NRG3: variants seen among roughly 807,000 people sequenced by gnomAD.
NRG3 encodes the protein pro-neuregulin-3, membrane-bound isoform.
In NRG3, 31 loss-of-function variants were observed where a neutral mutation model predicts 66.9. The observed-to-expected ratio is 0.46, with a 90% CI of 0.35 to 0.63. The LOEUF (loss-of-function observed/expected upper bound fraction) is 0.63, where lower values mean the gene tolerates loss of function less well. NRG3 is among the 20% of genes least tolerant of loss of function. The pLI is 0.00. For missense variants in NRG3, 910 were observed against 878.9 expected (o/e 1.04, Z -0.45); for synonymous variants, 393 against 359.4 (o/e 1.09, Z -1.06).
At chr10:82,347,698 G>A (rs994784396) in intron 1 of NRG3, among the ~76,000 whole-genome samples, 372 of 152,280 alleles carry the variant, frequency 2.4e-3, no homozygotes, top group African/African-American at 8.4e-3. Context: ...TTGTGTGGGA[G>A]TCTAAGTCTC....
intron 2 of NRG3, among the ~76,000 whole-genome samples, chr10:82,682,714 T>A (rs1040670845): frequency 6.6e-6 from 1 of 152,198 alleles, no homozygotes; most frequent in African/African-American, 2.4e-5. Flanking sequence ...TATTCACCAG[T>A]CCTTTGATGG....
At chr10:82,394,055 T>A (rs1052074175) in intron 2 of NRG3, among the ~76,000 whole-genome samples, 2 of 152,214 alleles carry the variant, frequency 1.3e-5, no homozygotes, top group Non-Finnish European at 2.9e-5. Flanking sequence ...CTATTTAGTA[T>A]GCTTTGTCTC....
intron 3 of NRG3, among the ~76,000 whole-genome samples, chr10:82,824,573 T>C (rs1403122124): frequency 6.6e-6 from 1 of 152,216 alleles, no homozygotes; most frequent in African/African-American, 2.4e-5. Context: ...GTAGTGTGTG[T>C]GCCGTGGTAT....
chr10:82,440,751 A>C (rs1489727925), intron 2 of NRG3, among the ~76,000 whole-genome samples: 1 of 152,160 alleles, frequency 6.6e-6, no homozygotes, highest in Non-Finnish European at 1.5e-5. Flanking sequence ...TGGATTCATA[A>C]AAATCATCTG....
chr10:82,348,805 C>T (rs1033283709), intron 1 of NRG3, among the ~76,000 whole-genome samples: 2 of 151,664 alleles, frequency 1.3e-5, no homozygotes, highest in African/African-American at 4.9e-5. Flanking sequence ...CATCTCACTT[C>T]ATTTCATTCA....
chr10:82,223,458 A>G (rs1040980444), intron 1 of NRG3, among the ~76,000 whole-genome samples: 1 of 152,082 alleles, frequency 6.6e-6, no homozygotes, highest in Non-Finnish European at 1.5e-5. Flanking sequence ...GTGGGTATTT[A>G]CTAACTCACT....
intron 2 of NRG3, among the ~76,000 whole-genome samples, chr10:82,525,935 G>A (rs1846650782): frequency 6.6e-6 from 1 of 151,888 alleles, no homozygotes; most frequent in Non-Finnish European, 1.5e-5. Flanking sequence ...CTAAATGGAT[G>A]AATTAAATGG....
chr10:82,766,578 T>A lies in NRG3; in HGVS notation c.1027+27928T>A, dbSNP rs553137788. Among the ~76,000 whole-genome samples the A allele has an allele frequency of 5.3e-5, 8 of 152,312 alleles. No individual in the cohort carries two copies. In the South Asian group the frequency reaches 1.7e-3, roughly 32 times the overall value. ...GTCTAAATGTTCTAGTATAACATTGTTTCTCTTATCCTTTCTGTGGTCTTG... is the reference window on the plus strand; with the variant it reads ...GTCTAAATGTTCTAGTATAACATTGATTCTCTTATCCTTTCTGTGGTCTTG... On this transcript the variant is annotated intron_variant, in intron 3 of 8. Coordinates refer to ENST00000372141, the MANE Select transcript of NRG3 (RefSeq NM_001010848.4).
chr10:81,925,538 C>T (rs796439943), intron 1 of NRG3, among the ~76,000 whole-genome samples: 1 of 152,092 alleles, frequency 6.6e-6, no homozygotes, highest in South Asian at 2.1e-4. Flanking sequence ...GTTGTGCTTG[C>T]AAATATGAAG....
At chr10:82,205,715 G>T (rs538758764) in intron 1 of NRG3, among the ~76,000 whole-genome samples, 20 of 152,182 alleles carry the variant, frequency 1.3e-4, no homozygotes, top group African/African-American at 4.6e-4. Flanking sequence ...GGGAGTTTCA[G>T]TGCAAAGAGG....
chr10:82,007,391 G>C (rs1002258526), intron 1 of NRG3, among the ~76,000 whole-genome samples: 10 of 151,700 alleles, frequency 6.6e-5, no homozygotes, highest in African/African-American at 2.4e-4. Flanking sequence ...TATATTTTTA[G>C]TAGAGACGGG....
chr10:82,281,366 A>G (rs1051782208), intron 1 of NRG3, among the ~76,000 whole-genome samples: 2 of 152,146 alleles, frequency 1.3e-5, no homozygotes, highest in African/African-American at 2.4e-5. Context: ...TTACTAGAAC[A>G]ACAGGATATC....
chr10:82,815,519 C>G (rs1251295330), intron 3 of NRG3, among the ~76,000 whole-genome samples: 1 of 152,154 alleles, frequency 6.6e-6, no homozygotes, highest in Non-Finnish European at 1.5e-5. Context: ...CTCTTGAGCT[C>G]TCTGCTTTCC....
chr10:82,643,649 A>G (rs2050731861), intron 2 of NRG3, among the ~76,000 whole-genome samples: 1 of 152,052 alleles, frequency 6.6e-6, no homozygotes, highest in African/African-American at 2.4e-5. Context: ...ATTTTATTAT[A>G]TTTGTCTCCA....
Position 82,922,755 on chromosome 10 carries a change from C to A in NRG3, c.1055-28714C>A, listed in dbSNP as rs1317125602. On this transcript the variant is annotated intron_variant, in intron 4 of 8. Coordinates refer to ENST00000372141, the MANE Select transcript of NRG3 (RefSeq NM_001010848.4). Reference sequence around the variant, plus strand: ...GTGCCAACCAGAGGGCATGTTACTTCTTTTTTACATTCAGTTGTCTCACTA... The same window carrying A: ...GTGCCAACCAGAGGGCATGTTACTTATTTTTTACATTCAGTTGTCTCACTA... Among the ~76,000 whole-genome samples the A allele has an allele frequency of 2.0e-5, 3 of 152,130 alleles. No homozygotes were observed. In the East Asian group the frequency reaches 5.8e-4, roughly 29 times the overall value.
chr10:81,960,177 T>C (rs935114487), intron 1 of NRG3, among the ~76,000 whole-genome samples: 1 of 152,202 alleles, frequency 6.6e-6, no homozygotes, highest in Admixed American at 6.5e-5. Flanking sequence ...CTTGCTGTTA[T>C]GTATTTTAAC....
intron 2 of NRG3, among the ~76,000 whole-genome samples, chr10:82,732,895 G>A (rs12259473): frequency 6.6e-6 from 1 of 152,190 alleles, no homozygotes; most frequent in Non-Finnish European, 1.5e-5. Context: ...AGAAGAGAGA[G>A]AAGAATATCT....
Position 82,759,340 on chromosome 10 carries a change from T to G in NRG3, c.1027+20690T>G, listed in dbSNP as rs544154283. ...TAAACCTTCCAGTCACCAGAATTGT[T>G]AGCCAAATAAACCTCTTTTGTTTGT... On this transcript the variant is annotated intron_variant, in intron 3 of 8. Transcript: ENST00000372141. 2.6e-5 allele frequency among the ~76,000 whole-genome samples: 4 copies of G among 152,136 alleles called. No homozygotes were observed. The South Asian group carries it at 8.3e-4, about 32-fold the overall frequency.
At chr10:81,968,677 G>A (rs2059819148) in intron 1 of NRG3, among the ~76,000 whole-genome samples, 1 of 152,146 alleles carries the variant, frequency 6.6e-6, no homozygotes, top group Admixed American at 6.5e-5. Context: ...TAAACACTAA[G>A]ATTTATGTGG....
Sources: gnomAD v4.1 joint callset for allele counts (sites outside exome capture counted in the v4.1 genomes callset) on GRCh38, gnomAD v4.1.1 for gene constraint, MANE v1.5 for transcripts, NCBI Gene and HGNC (gene_info 2026-07-23, HGNC 2026-07-21) for gene names.